CDH13: variants seen among roughly 807,000 people sequenced by gnomAD.
CDH13 encodes cadherin 13.
In CDH13, 24 loss-of-function variants were observed where a neutral mutation model predicts 63.8. The observed-to-expected ratio is 0.38, with a 90% CI of 0.27 to 0.53. The LOEUF (loss-of-function observed/expected upper bound fraction) is 0.53. Among genes scored for constraint, CDH13 ranks in the 20% least tolerant of loss-of-function variants. The pLI is 0.85. For missense variants in CDH13, 1,049 were observed against 903.1 expected (o/e 1.16, Z -2.07); for synonymous variants, 503 against 355.3 (o/e 1.42, Z -4.67).
intron 6 of CDH13, among the ~76,000 whole-genome samples, chr16:83,428,842 C>T (rs1209653585): frequency 4.6e-5 from 7 of 152,318 alleles, no homozygotes; most frequent in African/African-American, 1.4e-4. Context: ...TTTCAAATCT[C>T]CCCATCTTCC....
At chr16:83,037,325 GA>G (rs1916952176) in intron 3 of CDH13, among the ~76,000 whole-genome samples, 2 of 152,156 alleles carry the variant, frequency 1.3e-5, no homozygotes, top group South Asian at 4.1e-4. Flanking sequence ...TGACAAAAAT[GA>G]GATTGAAATT....
chr16:83,434,854 TGC>T (rs145984648), intron 6 of CDH13, among the ~76,000 whole-genome samples: 54,212 of 108,448 alleles, frequency 0.5, 11,520 homozygotes, highest in South Asian at 0.58. Flanking sequence ...TATATGTGTG[TGC>T]GTGTGTGTGT....
chr16:83,002,213 C>A (rs568013126), intron 2 of CDH13, among the ~76,000 whole-genome samples: 1 of 152,144 alleles, frequency 6.6e-6, no homozygotes, highest in Non-Finnish European at 1.5e-5. Context: ...TGAGAGGAGC[C>A]TGGATTATCT....
intron 1 of CDH13, among the ~76,000 whole-genome samples, chr16:82,847,147 A>C (rs1237372992): frequency 1.3e-5 from 2 of 152,188 alleles, no homozygotes; most frequent in Non-Finnish European, 2.9e-5. Context: ...TAAAATACCA[A>C]GTAAAGGGAA....
At chr16:83,382,745 G>C (rs1261256050) in intron 6 of CDH13, among the ~76,000 whole-genome samples, 1 of 152,156 alleles carries the variant, frequency 6.6e-6, no homozygotes, top group Non-Finnish European at 1.5e-5. Flanking sequence ...GATCTGTCCA[G>C]CTGTCCTAGT....
At chr16:82,657,168 A>G (rs186135315) in intron 1 of CDH13, among the ~76,000 whole-genome samples, 2 of 146,734 alleles carry the variant, frequency 1.4e-5, no homozygotes, top group Admixed American at 1.4e-4. Context: ...AGCCCTACAT[A>G]CATTATGTTT....
At chr16:83,333,458 T>C (rs1011951372) in intron 5 of CDH13, among the ~76,000 whole-genome samples, 4 of 152,122 alleles carry the variant, frequency 2.6e-5, no homozygotes, top group Non-Finnish European at 5.9e-5. Context: ...CCCCCTGCTC[T>C]TCTGGGAGAC....
chr16:83,431,984 T>C (rs1443424693), intron 6 of CDH13, among the ~76,000 whole-genome samples: 1 of 152,108 alleles, frequency 6.6e-6, no homozygotes, highest in Non-Finnish European at 1.5e-5. Context: ...TTTTAATGGA[T>C]CCTTCTGGCC....
intron 5 of CDH13, among the ~76,000 whole-genome samples, chr16:83,274,303 G>A (rs1221571830): frequency 2.0e-5 from 3 of 152,144 alleles, no homozygotes; most frequent in Non-Finnish European, 4.4e-5. Flanking sequence ...TTGCTGGAAG[G>A]GTTTGTGGAT....
intron 5 of CDH13, among the ~76,000 whole-genome samples, chr16:83,294,111 TA>T (rs112484754): frequency 0.016 from 2,451 of 152,308 alleles, 68 homozygotes; most frequent in African/African-American, 0.049. Flanking sequence ...CTTTCTTTTC[TA>T]AAATTGACAT....
chr16:83,732,004 C>A (rs1308581404), intron 10 of CDH13, among the ~76,000 whole-genome samples: 1 of 152,210 alleles, frequency 6.6e-6, no homozygotes, highest in African/African-American at 2.4e-5. Context: ...ATTCTTCATA[C>A]ATCCAACCTA....
chr16:83,193,758 C>T (rs902467441), intron 4 of CDH13, among the ~76,000 whole-genome samples: 5 of 152,186 alleles, frequency 3.3e-5, no homozygotes, highest in African/African-American at 1.2e-4. Context: ...AAAGAATTCA[C>T]CTTGGCATAG....
chr16:83,368,882 TG>T (rs2091303948), intron 6 of CDH13, among the ~76,000 whole-genome samples: 2 of 26,958 alleles, frequency 7.4e-5, no homozygotes. Flanking sequence ...TAGTATTCCA[TG>T]TTATATATAT....
At chr16:83,743,748 C>CCTTTTTTTTTTTTTTTTT (rs1912280138) in intron 10 of CDH13, among the ~76,000 whole-genome samples, 1 of 76,258 alleles carries the variant, frequency 1.3e-5, no homozygotes, top group African/African-American at 5.5e-5. Flanking sequence ...TTTCTTTTTT[C>CCTTTTTTTTTTTTTTTTT]TTTTTTTTTT....
intron 8 of CDH13, among the ~76,000 whole-genome samples, chr16:83,610,279 C>G (rs1180281608): frequency 6.6e-6 from 1 of 152,080 alleles, no homozygotes; most frequent in Non-Finnish European, 1.5e-5. Flanking sequence ...AATTAGTAAT[C>G]TGTAATTCCT....
At chr16:83,688,192 A>G (rs919738698) in intron 10 of CDH13, among the ~76,000 whole-genome samples, 1 of 152,214 alleles carries the variant, frequency 6.6e-6, no homozygotes, top group Non-Finnish European at 1.5e-5. Flanking sequence ...GAAATCACAA[A>G]AAATGTTGGG....
At chr16:83,774,890 T>C (rs945155150) in intron 11 of CDH13, among the ~76,000 whole-genome samples, 4 of 152,206 alleles carry the variant, frequency 2.6e-5, no homozygotes, top group African/African-American at 9.6e-5. Flanking sequence ...TTGAATGTAC[T>C]TAACACCACT....
chr16:82,662,604 C>G (rs1325653717), intron 1 of CDH13, among the ~76,000 whole-genome samples: 2 of 152,162 alleles, frequency 1.3e-5, no homozygotes, highest in Non-Finnish European at 2.9e-5. Flanking sequence ...CCAGGCATAC[C>G]CTGCTTTTCC....
At chr16:82,808,084 T>A (rs1214500097) in intron 1 of CDH13, among the ~76,000 whole-genome samples, 1 of 152,274 alleles carries the variant, frequency 6.6e-6, no homozygotes, top group Admixed American at 6.5e-5. Context: ...AGGGTCTTAC[T>A]TGGGTCTCCA....
Sources: gnomAD v4.1 joint callset for allele counts (sites outside exome capture counted in the v4.1 genomes callset) on GRCh38, gnomAD v4.1.1 for gene constraint, MANE v1.5 for transcripts, NCBI Gene and HGNC (gene_info 2026-07-23, HGNC 2026-07-21) for gene names.